SPHKAP: variants seen among roughly 807,000 people sequenced by gnomAD.
The protein encoded by SPHKAP is A-kinase anchor protein SPHKAP.
In SPHKAP, 67 loss-of-function variants were observed where a neutral mutation model predicts 137.5. That is an observed-to-expected ratio of 0.49 (90% CI 0.40 to 0.60). The LOEUF (loss-of-function observed/expected upper bound fraction) is 0.60. Ranked by LOEUF, SPHKAP falls within the 20% of genes least tolerant of loss-of-function variation. The pLI, the probability that SPHKAP is intolerant of heterozygous loss-of-function variation, is 0.00. For synonymous variants in SPHKAP, 813 were observed against 785.3 expected (o/e 1.04, Z -0.59); for missense variants, 2,097 against 2,069.3 (o/e 1.01, Z -0.26).
intron 2 of SPHKAP, chr2:228,131,771 G>T: frequency 1.1e-5 from 11 of 983,976 alleles, no homozygotes; most frequent in Non-Finnish European, 1.3e-5. Flanking sequence ...GGCAGTGGAG[G>T]CTTATGATTT....
chr2:228,005,541 C>T (rs1694095806), intron 7 of SPHKAP, among the ~76,000 whole-genome samples: 1 of 152,132 alleles, frequency 6.6e-6, no homozygotes, highest in South Asian at 2.1e-4. Flanking sequence ...AGCATTTAGC[C>T]CATTTACATT....
rs950859905 is a variant in SPHKAP, at chr2:228,071,482, G to A, written c.246+37350C>T. ...ATTCTTTGCTGGCACTAAGTTCTCC[G>A]GCTTTACACTCTTTGGCTTCCCTTT... On this transcript the variant is annotated intron_variant, in intron 3 of 11. Coordinates refer to ENST00000392056, the MANE Select transcript of SPHKAP (RefSeq NM_001142644.2). 3.9e-5 allele frequency among the ~76,000 whole-genome samples: 6 copies of A among 152,166 alleles called. No homozygotes were observed. The South Asian group carries it at 8.3e-4, about 21-fold the overall frequency.
Position 228,014,698 on chromosome 2 carries a change from T to C in SPHKAP, c.4448+1708A>G, listed in dbSNP as rs144633574. ...TCCTCTAATGGGGAGCACTGGTACC[T>C]GAGGATGAATCCCTTCTCCTTCCCT... On this transcript the variant is annotated intron_variant, in intron 7 of 11. Transcript: ENST00000392056. 4.9e-4 allele frequency among the ~76,000 whole-genome samples: 74 copies of C among 152,308 alleles called. No homozygotes were observed. The East Asian group carries it at 0.014, about 29-fold the overall frequency.
rs141261267 is a variant in SPHKAP, at chr2:228,016,187, A to G, written c.4448+219T>C. ...TCATTTTTTTTTTATTACACTTTAA[A>G]TTTTAGGGCACATGTGCACAACGTG... On this transcript the variant is annotated intron_variant, in intron 7 of 11. Coordinates refer to ENST00000392056, the MANE Select transcript of SPHKAP (RefSeq NM_001142644.2). Among the ~76,000 whole-genome samples, 598 of 151,904 alleles carry G rather than the reference A, an allele frequency of 3.9e-3. 3 individuals carry two copies. Among genetic ancestry groups the G allele is most frequent in the African/African-American group, 0.013 (559 of 41,436 alleles).
chr2:228,125,435 G>A (rs902348233), intron 2 of SPHKAP, among the ~76,000 whole-genome samples: 3 of 152,124 alleles, frequency 2.0e-5, no homozygotes, highest in African/African-American at 4.8e-5. Flanking sequence ...TATTCATTGA[G>A]CATCAATTAT....
intron 1 of SPHKAP, among the ~76,000 whole-genome samples, chr2:228,164,951 C>T (rs1246449416): frequency 1.3e-5 from 2 of 152,290 alleles, no homozygotes; most frequent in Non-Finnish European, 1.5e-5. Context: ...CATTGTCTTT[C>T]TCTCCATTGG....
chr2:228,160,664 T>G (rs140828106), intron 1 of SPHKAP, among the ~76,000 whole-genome samples: 2,302 of 152,278 alleles, frequency 0.015, 53 homozygotes, highest in African/African-American at 0.052. Flanking sequence ...AGATAAGATT[T>G]GGGTGGGGAC....
At position 227,997,591 on chromosome 2, in the gene SPHKAP, G is replaced by A. The variant is rs548245950; in HGVS notation, c.4449-1897C>T. On this transcript the variant is annotated intron_variant, in intron 7 of 11. Coordinates refer to ENST00000392056, the MANE Select transcript of SPHKAP (RefSeq NM_001142644.2). ...ATAACATGCTTTTGTTAAGAATCAC[G>A]TCTAATAACACGCTGTTTTGATCTT... Among the ~76,000 whole-genome samples the A allele has an allele frequency of 7.9e-5, 12 of 152,112 alleles. No homozygotes were observed. In the South Asian group the frequency reaches 1.2e-3, roughly 16 times the overall value.
intron 3 of SPHKAP, among the ~76,000 whole-genome samples, chr2:228,058,039 T>C (rs1399191128): frequency 6.6e-6 from 1 of 152,214 alleles, no homozygotes; most frequent in Non-Finnish European, 1.5e-5. Flanking sequence ...ATTGGTCTTA[T>C]TTAGTCTCAG....
intron 3 of SPHKAP, among the ~76,000 whole-genome samples, chr2:228,089,572 G>GA (rs1697654128): frequency 6.6e-6 from 1 of 152,138 alleles, no homozygotes; most frequent in Admixed American, 6.5e-5. Context: ...AATATCCAAG[G>GA]AAAAAATGCC....
At chr2:228,134,234 G>GAGGGAGGAAGGA (rs369812126) in intron 1 of SPHKAP, among the ~76,000 whole-genome samples, 210 of 141,420 alleles carry the variant, frequency 1.5e-3, no homozygotes, top group Middle Eastern at 3.6e-3. Context: ...AGGAGGGAGG[G>GAGGGAGGAAGGA]AGGAAGGAAG....
chr2:228,014,926 T>G (rs1329060682), intron 7 of SPHKAP, among the ~76,000 whole-genome samples: 16 of 152,182 alleles, frequency 1.1e-4, no homozygotes, highest in African/African-American at 3.4e-4. Context: ...TTAATTTTAT[T>G]ATTATTATCA....
intron 3 of SPHKAP, among the ~76,000 whole-genome samples, chr2:228,069,449 C>T (rs112600759): frequency 0.015 from 1,898 of 128,044 alleles, 62 homozygotes; most frequent in African/African-American, 0.052. Flanking sequence ...TTCTTTCTTT[C>T]TTTTTTTTTT....
At chr2:228,105,050 C>CCTTGAACT (rs1698297451) in intron 3 of SPHKAP, among the ~76,000 whole-genome samples, 2 of 152,116 alleles carry the variant, frequency 1.3e-5, no homozygotes, top group African/African-American at 4.8e-5. Flanking sequence ...CTAACTGCAG[C>CCTTGAACT]CTTGAACTCT....
chr2:228,113,833 C>G (rs112082840), intron 2 of SPHKAP, among the ~76,000 whole-genome samples: 45 of 152,200 alleles, frequency 3.0e-4, no homozygotes, highest in African/African-American at 1.1e-3. Flanking sequence ...TGCTCCTCCT[C>G]CCTCTCCCTT....
rs565919887 is a variant in SPHKAP at position 228,076,223 on chromosome 2, C to T, written c.246+32609G>A. 4.6e-5 allele frequency among the ~76,000 whole-genome samples: 7 copies of T among 152,282 alleles called. No individual in the cohort carries two copies. In the South Asian group the frequency reaches 1.0e-3, roughly 23 times the overall value. On this transcript the variant is annotated intron_variant, in intron 3 of 11. Transcript: ENST00000392056. ...TAAACACTTTTTCCTGTATAAATTACCCAGTCTCAGGTGTGTCTTTATCAG... is the reference window on the plus strand; with the variant it reads ...TAAACACTTTTTCCTGTATAAATTATCCAGTCTCAGGTGTGTCTTTATCAG...
chr2:228,031,579 T>C (rs1293787892), intron 3 of SPHKAP, among the ~76,000 whole-genome samples: 1 of 152,066 alleles, frequency 6.6e-6, no homozygotes, highest in African/African-American at 2.4e-5. Context: ...CTTAAGCGGG[T>C]CCTTGACCCC....
At position 228,180,078 on chromosome 2, in the gene SPHKAP, T is replaced by G. The variant is rs145151802; in HGVS notation, c.32+1489A>C. Among the ~76,000 whole-genome samples, 613 of 152,302 alleles carry G rather than the reference T, an allele frequency of 4.0e-3. 3 individuals are homozygous for G. Among genetic ancestry groups the G allele is most frequent in the South Asian group, 0.013 (62 of 4,818 alleles). On this transcript the variant is annotated intron_variant, in intron 1 of 11. Coordinates refer to ENST00000392056, the MANE Select transcript of SPHKAP (RefSeq NM_001142644.2). ...CTTTGCGTAAACATCACTGGCAATT[T>G]TTTTTAAGTTAAAAAATCGGCAAAA... is the stretch of plus-strand genomic sequence containing the variant.
intron 1 of SPHKAP, among the ~76,000 whole-genome samples, chr2:228,140,210 G>T (rs886110174): frequency 6.6e-6 from 1 of 151,330 alleles, no homozygotes; most frequent in African/African-American, 2.4e-5. Flanking sequence ...GCCTCTCGAA[G>T]TGTGGAGATT....
Sources: gnomAD v4.1 joint callset for allele counts (sites outside exome capture counted in the v4.1 genomes callset) on GRCh38, gnomAD v4.1.1 for gene constraint, MANE v1.5 for transcripts, NCBI Gene and HGNC (gene_info 2026-07-23, HGNC 2026-07-21) for gene names.